The following RBMS3 variants were observed in gnomAD, a reference collection of about 807,000 sequenced individuals.
RBMS3 encodes RNA binding motif single stranded interacting protein 3, also known as RNA-binding motif, single-stranded-interacting protein 3.
A neutral mutation model predicts 66.8 loss-of-function variants in RBMS3; 27 were observed. The ratio of observed to expected loss-of-function variants is 0.40; its 90% CI spans 0.30 to 0.56. The LOEUF is 0.56. Among genes scored for constraint, RBMS3 ranks in the 20% least tolerant of loss-of-function variants. The probability of loss-of-function intolerance (pLI) is 0.40; values close to 1 mark genes in which losing one functional copy is unlikely to be tolerated. For synonymous variants in RBMS3, 188 were observed against 183.0 expected (o/e 1.03, Z -0.22); for missense variants, 513 against 549.5 (o/e 0.93, Z 0.66).
At chr3:29,457,005 G>T (rs1242750606) in intron 2 of RBMS3, among the ~76,000 whole-genome samples, 1 of 152,138 alleles carries the variant, frequency 6.6e-6, no homozygotes, top group Non-Finnish European at 1.5e-5. Flanking sequence ...GTTATGGTGA[G>T]CCACAGGAAA....
intron 12 of RBMS3, among the ~76,000 whole-genome samples, chr3:29,970,235 G>A (rs1697136193): frequency 6.6e-6 from 1 of 152,238 alleles, no homozygotes; most frequent in South Asian, 2.1e-4. Flanking sequence ...GTGTCCCCAG[G>A]CCCTAAACAG....
At chr3:29,359,133 A>C (rs2037406717) in intron 1 of RBMS3, among the ~76,000 whole-genome samples, 1 of 152,212 alleles carries the variant, frequency 6.6e-6, no homozygotes, top group African/African-American at 2.4e-5. Flanking sequence ...CCAGTTTTCA[A>C]AGGGAATGCT....
intron 10 of RBMS3, among the ~76,000 whole-genome samples, chr3:29,912,314 C>T (rs536363537): frequency 3.3e-5 from 5 of 152,034 alleles, no homozygotes; most frequent in African/African-American, 1.2e-4. Context: ...TTCCAGGTGC[C>T]GTTAGACAAG....
chr3:29,596,677 T>C (rs1267431472), intron 4 of RBMS3, among the ~76,000 whole-genome samples: 1 of 152,222 alleles, frequency 6.6e-6, no homozygotes, highest in East Asian at 1.9e-4. Flanking sequence ...ATAAGTCTGT[T>C]AATGCTGTTT....
At chr3:29,284,143 T>C (rs2032059361) in intron 1 of RBMS3, among the ~76,000 whole-genome samples, 1 of 152,178 alleles carries the variant, frequency 6.6e-6, no homozygotes, top group African/African-American at 2.4e-5. Context: ...GTGGAATTCA[T>C]AAAATCCACT....
chr3:29,285,893 A>G (rs1490721231), intron 1 of RBMS3, among the ~76,000 whole-genome samples: 1 of 152,122 alleles, frequency 6.6e-6, no homozygotes, highest in East Asian at 1.9e-4. Flanking sequence ...GCAAAACAAA[A>G]CAACCCTGTA....
Position 29,724,819 on chromosome 3 carries a change from G to A in RBMS3, c.400-14901G>A, listed in dbSNP as rs139783959. Among the ~76,000 whole-genome samples, 568 of 152,132 alleles carry A rather than the reference G, an allele frequency of 3.7e-3. 5 individuals are homozygous for A. Among genetic ancestry groups the A allele is most frequent in the African/African-American group, 0.013 (534 of 41,484 alleles). ...TTAGGGGACAGATATCTAATTCTTCGTTGCCCTAATGTGTCAGCTAACAAA... is the reference window on the plus strand; with the variant it reads ...TTAGGGGACAGATATCTAATTCTTCATTGCCCTAATGTGTCAGCTAACAAA... On this transcript the variant is annotated intron_variant, in intron 4 of 14. Transcript: ENST00000383767.
At chr3:29,556,093 G>A (rs573685178) in intron 3 of RBMS3, among the ~76,000 whole-genome samples, 56 of 151,374 alleles carry the variant, frequency 3.7e-4, no homozygotes, top group African/African-American at 1.1e-3. Context: ...TTATTCTGCC[G>A]TATCATAAGT....
intron 12 of RBMS3, among the ~76,000 whole-genome samples, chr3:29,953,831 C>G (rs1449296): frequency 0.99 from 149,772 of 151,948 alleles, 73,828 homozygotes; most frequent in East Asian, 1. Flanking sequence ...CACGAGTCTT[C>G]CCATTTATGC....
At chr3:29,806,780 A>G (rs1215396532) in intron 6 of RBMS3, among the ~76,000 whole-genome samples, 1 of 151,860 alleles carries the variant, frequency 6.6e-6, no homozygotes, top group Non-Finnish European at 1.5e-5. Context: ...CATGAATTCT[A>G]TTTCTTACAG....
chr3:29,514,805 A>G (rs1313949323), intron 3 of RBMS3, among the ~76,000 whole-genome samples: 1 of 150,962 alleles, frequency 6.6e-6, no homozygotes, highest in Admixed American at 6.6e-5. Flanking sequence ...ATATATATGT[A>G]TATATGATAG....
rs542937997 is a variant in RBMS3 at position 29,477,440 on chromosome 3, AG to A, written c.249-10998del. On this transcript the variant is annotated intron_variant, in intron 2 of 14. Transcript: ENST00000383767. Reference sequence around the variant, plus strand: ...TGGGCATGTATTGATCCCTGTGTGTAGGGTCAGGGATATAACAAACAAACAA... The same window carrying A: ...TGGGCATGTATTGATCCCTGTGTGTAGGTCAGGGATATAACAAACAAACAA... 1.1e-4 allele frequency among the ~76,000 whole-genome samples: 16 copies of A among 139,586 alleles called. No homozygotes were observed. In the East Asian group the frequency reaches 3.3e-3, roughly 29 times the overall value. The allele number at this position is 139,586 out of a possible 152,430, so 91.6% of individuals were successfully genotyped here.
At chr3:29,995,998 T>A (rs1441216012) in intron 14 of RBMS3, among the ~76,000 whole-genome samples, 1 of 152,146 alleles carries the variant, frequency 6.6e-6, no homozygotes, top group Non-Finnish European at 1.5e-5. Flanking sequence ...TCAAGACCCA[T>A]CAGTGTGCTG....
chr3:29,815,932 T>C (rs9837584), intron 6 of RBMS3, among the ~76,000 whole-genome samples: 8,142 of 151,470 alleles, frequency 0.054, 270 homozygotes, highest in Admixed American at 0.087. Flanking sequence ...CCAAAAACTA[T>C]TGAAATAAAA....
chr3:29,865,878 G>A (rs1455198098), intron 6 of RBMS3, among the ~76,000 whole-genome samples: 1 of 152,038 alleles, frequency 6.6e-6, no homozygotes, highest in Non-Finnish European at 1.5e-5. Flanking sequence ...GATAAAGACT[G>A]ATTTCTAATT....
intron 1 of RBMS3, among the ~76,000 whole-genome samples, chr3:29,300,848 G>A (rs2033626356): frequency 6.6e-6 from 1 of 151,902 alleles, no homozygotes; most frequent in African/African-American, 2.4e-5. Flanking sequence ...AGAGAGAGAA[G>A]TAACATATAT....
chr3:29,603,167 A>G (rs563898660), intron 4 of RBMS3, among the ~76,000 whole-genome samples: 15 of 152,134 alleles, frequency 9.9e-5, no homozygotes, highest in Admixed American at 5.9e-4. Flanking sequence ...GCAAGTAGCA[A>G]GTAATAATAC....
intron 5 of RBMS3, among the ~76,000 whole-genome samples, chr3:29,759,665 A>G (rs2055576022): frequency 6.6e-6 from 1 of 152,012 alleles, no homozygotes; most frequent in African/African-American, 2.4e-5. Flanking sequence ...TTGAGAAGAA[A>G]ATGGGCACAT....
At chr3:29,619,261 A>C (rs2149149439) in intron 4 of RBMS3, among the ~76,000 whole-genome samples, 1 of 136,966 alleles carries the variant, frequency 7.3e-6, no homozygotes, top group Non-Finnish European at 1.6e-5. Context: ...CTGTACATGT[A>C]TTTTATGTAA....
Sources: allele counts gnomAD v4.1 joint callset (sites outside exome capture counted in the v4.1 genomes callset), GRCh38; gene constraint gnomAD v4.1.1; transcripts MANE v1.5; gene names NCBI Gene and HGNC (gene_info 2026-07-23, HGNC 2026-07-21).